The following FBXL20 variants were observed in gnomAD, a reference collection of about 807,000 sequenced individuals.
FBXL20 encodes the protein F-box and leucine rich repeat protein 20.
FBXL20 carries 11 observed loss-of-function variants against 64.0 expected under a neutral mutation model. The observed-to-expected ratio is 0.17, with a 90% CI of 0.11 to 0.28. The LOEUF is 0.28. Ranked by LOEUF, FBXL20 falls within the 10% of genes least tolerant of loss-of-function variation. The pLI is 1.00. For synonymous variants in FBXL20, 184 were observed against 189.0 expected (o/e 0.97, Z 0.22); for missense variants, 303 against 526.2 (o/e 0.58, Z 4.15).
At chr17:39,397,778 T>C (rs1247216049) in intron 1 of FBXL20, among the ~76,000 whole-genome samples, 1 of 151,244 alleles carries the variant, frequency 6.6e-6, no homozygotes, top group Non-Finnish European at 1.5e-5. Flanking sequence ...GGATGAACTT[T>C]GGAAAAGCTC....
intron 1 of FBXL20, among the ~76,000 whole-genome samples, chr17:39,398,779 A>C (rs539659257): frequency 2.6e-5 from 4 of 151,974 alleles, no homozygotes; most frequent in African/African-American, 9.7e-5. Flanking sequence ...GGTTCAAGTG[A>C]TTCTCCTGCC....
intron 6 of FBXL20, among the ~76,000 whole-genome samples, chr17:39,286,810 T>G (rs2046992452): frequency 1.3e-5 from 2 of 151,930 alleles, no homozygotes; most frequent in South Asian, 4.1e-4. Context: ...AAAAAAAAAT[T>G]TTTTTTATGC....
chr17:39,261,135 C>A lies in FBXL20; in HGVS notation c.*325G>T. 3.8e-6 allele frequency: 1 copy of A among 262,728 alleles called. No homozygotes were observed. Among genetic ancestry groups the A allele is most frequent in the Admixed American group, 5.0e-5 (1 of 19,836 alleles). The allele number at this position is 262,728 out of a possible 1,614,324, so 16.3% of individuals were successfully genotyped here. On this transcript the variant is annotated 3_prime_UTR_variant, in exon 15 of 15. Coordinates refer to ENST00000264658, the MANE Select transcript of FBXL20 (RefSeq NM_032875.3). ...GACAAAAATTTAAAAACCACAGTAG[C>A]ATTAACACGGGGTTTGCTGGAATGC...
At chr17:39,291,028 C>T (rs918662237) in intron 6 of FBXL20, among the ~76,000 whole-genome samples, 1 of 151,302 alleles carries the variant, frequency 6.6e-6, no homozygotes, top group Non-Finnish European at 1.5e-5. Context: ...GTGGCGCGAT[C>T]TCGGCTCACT....
At chr17:39,367,127 C>T (rs2047868196) in intron 1 of FBXL20, among the ~76,000 whole-genome samples, 1 of 151,940 alleles carries the variant, frequency 6.6e-6, no homozygotes. Context: ...TCAAGATCTG[C>T]CTGCCTCAGC....
intron 3 of FBXL20, among the ~76,000 whole-genome samples, chr17:39,302,374 CTT>C (rs35716617): frequency 6.9e-5 from 9 of 129,914 alleles, no homozygotes; most frequent in Admixed American, 8.0e-5. Context: ...CCGCATTTGG[CTT>C]TTTTTTTTTT....
rs1366626443 is a variant in FBXL20, at chr17:39,259,405, A to T, written c.*2055T>A. On this transcript the variant is annotated 3_prime_UTR_variant, in exon 15 of 15. Coordinates refer to ENST00000264658, the MANE Select transcript of FBXL20 (RefSeq NM_032875.3). ...GGATTGCACATTAATGTCTCAAAGG[A>T]CACCCCCCGCCAAAATCACCCTACT... is the stretch of plus-strand genomic sequence containing the variant. 2.0e-5 allele frequency: 3 copies of T among 152,126 alleles called. No individual in the cohort carries two copies. The South Asian group carries it at 6.2e-4, about 32-fold the overall frequency. 9.4% of individuals were successfully genotyped at this position (152,126 alleles called of 1,614,324 possible). A position where few individuals can be genotyped will look rare whatever the true frequency, so the allele number is the denominator to read the frequency against.
rs1057344801 is a variant in FBXL20, at chr17:39,264,218, T to A, written c.1160A>T (p.Tyr387Phe). 2 of 1,614,140 alleles carry A rather than the reference T, an allele frequency of 1.2e-6. No individual in the cohort carries two copies. Among genetic ancestry groups the A allele is most frequent in the Non-Finnish European group, 1.7e-6 (2 of 1,180,056 alleles). ...SCHSLERIEL[Y>F]DCQQITRAGI... ...AGCCCGTGTGATTTGCTGGCAGTCATAGAGTTCTATCCGCTCAAGGCTATG... is the reference window on the plus strand; with the variant it reads ...AGCCCGTGTGATTTGCTGGCAGTCAAAGAGTTCTATCCGCTCAAGGCTATG... Residue 387 changes from tyrosine to phenylalanine, a missense_variant, in exon 14 of 15, where the codon TAT becomes TTT. Tyr to Phe is a conservative substitution (Grantham distance 22). This residue lies in a region of FBXL20 where 56 missense variants were observed against 86.0 expected (regional missense o/e 0.65). Transcript: ENST00000264658.
chr17:39,336,049 G>T (rs555644766), intron 2 of FBXL20, among the ~76,000 whole-genome samples: 2 of 151,902 alleles, frequency 1.3e-5, no homozygotes, highest in East Asian at 3.9e-4. Context: ...TTAGGCCCAG[G>T]AGTTTGGGAC....
chr17:39,320,293 A>T (rs958184784), intron 2 of FBXL20, among the ~76,000 whole-genome samples: 15 of 152,210 alleles, frequency 9.9e-5, no homozygotes, highest in Non-Finnish European at 2.2e-4. Flanking sequence ...TTAAAAAAAT[A>T]TGTTTATAGC....
chr17:39,368,892 T>A (rs1488723631), intron 1 of FBXL20, among the ~76,000 whole-genome samples: 2 of 152,138 alleles, frequency 1.3e-5, no homozygotes, highest in Non-Finnish European at 2.9e-5. Context: ...CCTCACCTCG[T>A]GATCTGCCCA....
At chr17:39,399,967 C>T (rs141631233) in intron 1 of FBXL20, among the ~76,000 whole-genome samples, 366 of 152,232 alleles carry the variant, frequency 2.4e-3, no homozygotes, top group Admixed American at 4.7e-3. Context: ...AACTGCTGAA[C>T]GTCTATTCAG....
intron 1 of FBXL20, among the ~76,000 whole-genome samples, chr17:39,395,799 T>C (rs1214342561): frequency 1.3e-5 from 2 of 152,190 alleles, no homozygotes; most frequent in Non-Finnish European, 2.9e-5. Flanking sequence ...CACTTTGTCA[T>C]TGTGAAAAGC....
At chr17:39,339,320 T>C (rs2047559721) in intron 2 of FBXL20, among the ~76,000 whole-genome samples, 1 of 151,934 alleles carries the variant, frequency 6.6e-6, no homozygotes, top group Admixed American at 6.6e-5. Flanking sequence ...ATTTAAAAAT[T>C]AGGCAGGTGT....
chr17:39,272,766 C>A (rs543332055), intron 10 of FBXL20, among the ~76,000 whole-genome samples: 1 of 150,610 alleles, frequency 6.6e-6, no homozygotes, highest in Non-Finnish European at 1.5e-5. Flanking sequence ...GAAATGAATG[C>A]TACCTAATGG....
At chr17:39,344,454 A>G (rs1375784403) in intron 1 of FBXL20, among the ~76,000 whole-genome samples, 2 of 152,030 alleles carry the variant, frequency 1.3e-5, no homozygotes, top group East Asian at 3.9e-4. Flanking sequence ...GCTCACATTT[A>G]CTTGCTCAAG....
rs941749501 is a variant in FBXL20, at chr17:39,260,511, T to C, written c.*949A>G. On this transcript the variant is annotated 3_prime_UTR_variant, in exon 15 of 15. Coordinates refer to ENST00000264658, the MANE Select transcript of FBXL20 (RefSeq NM_032875.3). ...AGCATCTGTTTTCATCAAAACAGTT[T>C]CTTCTCATAACTTTTCTTGCTTTCA... The C allele has an allele frequency of 9.9e-5, 15 of 152,232 alleles. No individual in the cohort carries two copies. Among genetic ancestry groups the C allele is most frequent in the Non-Finnish European group, 1.8e-4 (12 of 68,044 alleles). 9.4% of individuals were successfully genotyped at this position (152,232 alleles called of 1,614,324 possible). A position where few individuals can be genotyped will look rare whatever the true frequency, so the allele number is the denominator to read the frequency against.
intron 1 of FBXL20, among the ~76,000 whole-genome samples, chr17:39,393,945 T>C (rs2048158869): frequency 6.6e-6 from 1 of 152,216 alleles, no homozygotes; most frequent in South Asian, 2.1e-4. Context: ...CTATTGTTAG[T>C]TGCTGTCAAG....
chr17:39,368,579 C>T (rs2144630081), intron 1 of FBXL20, among the ~76,000 whole-genome samples: 1 of 152,260 alleles, frequency 6.6e-6, no homozygotes, highest in Non-Finnish European at 1.5e-5. Context: ...TTCTCCCTGA[C>T]AAGCCCCTCT....
Sources: allele counts gnomAD v4.1 joint callset (sites outside exome capture counted in the v4.1 genomes callset), GRCh38; gene constraint gnomAD v4.1.1; regional missense constraint gnomAD v4.1.1; transcripts MANE v1.5; gene names NCBI Gene and HGNC (gene_info 2026-07-23, HGNC 2026-07-21).